The following HFM1 variants were observed in gnomAD, a reference collection of about 807,000 sequenced individuals.
The protein encoded by HFM1 is helicase for meiosis 1.
A neutral mutation model predicts 192.1 loss-of-function variants in HFM1; 169 were observed. That is an observed-to-expected ratio of 0.88 (90% CI 0.78 to 1.00). The LOEUF (loss-of-function observed/expected upper bound fraction) is 1.00, where lower values mean the gene tolerates loss of function less well. HFM1 is among the 50% of genes least tolerant of loss of function. The pLI is 0.00. For missense variants in HFM1, 1,661 were observed against 1,668.0 expected (o/e 1.00, Z 0.07); for synonymous variants, 525 against 537.8 (o/e 0.98, Z 0.33).
intron 2 of HFM1, among the ~76,000 whole-genome samples, chr1:91,400,205 C>T (rs538610491): frequency 2.0e-5 from 3 of 152,160 alleles, no homozygotes; most frequent in Non-Finnish European, 4.4e-5. Context: ...GAACAATGCA[C>T]ATGAAAATCC....
chr1:91,365,603 G>C (rs1659192610), intron 13 of HFM1, among the ~76,000 whole-genome samples: 1 of 152,048 alleles, frequency 6.6e-6, no homozygotes, highest in African/African-American at 2.4e-5. Flanking sequence ...GGTAGGCTTG[G>C]TTCTTAAGTA....
At chr1:91,380,873 G>T in intron 7 of HFM1, 39 bp downstream of exon 7, 2 of 966,716 alleles carry the variant, frequency 2.1e-6, no homozygotes, top group Non-Finnish European at 3.3e-6. Context: ...ATAACCTAGT[G>T]AAAGGTAGAA....
chr1:91,329,614 G>A (rs776726773), intron 20 of HFM1: 1 of 882,166 alleles, frequency 1.1e-6, no homozygotes, highest in Non-Finnish European at 1.7e-6. Flanking sequence ...GGGGTGGAGA[G>A]AGCATTCTAA....
Position 91,277,534 on chromosome 1 carries a change from T to TTA in HFM1, c.3392-474_3392-473dup, listed in dbSNP as rs201917596. On this transcript the variant is annotated intron_variant, in intron 30 of 38. Transcript: ENST00000370425. The stretch of plus-strand genomic sequence containing the variant: ...GTGTGTGTGTGTGTGTGTGTATACT[T>TTA]TATATATATATAATATATATACTTT... Among the ~76,000 whole-genome samples, 13 of 138,694 alleles carry TTA rather than the reference T, an allele frequency of 9.4e-5. No homozygotes were observed. The East Asian group carries it at 2.0e-3, about 21-fold the overall frequency. 91.0% of individuals were successfully genotyped at this position (138,694 alleles called of 152,430 possible). A position where few individuals can be genotyped will look rare whatever the true frequency, so the allele number is the denominator to read the frequency against.
At chr1:91,364,438 G>A (rs925658848) in intron 13 of HFM1, among the ~76,000 whole-genome samples, 1 of 150,440 alleles carries the variant, frequency 6.6e-6, no homozygotes, top group African/African-American at 2.4e-5. Flanking sequence ...CTCTTCTCTG[G>A]GTATATACCC....
chr1:91,370,638 T>G (rs1396003799), intron 13 of HFM1, among the ~76,000 whole-genome samples: 2 of 152,186 alleles, frequency 1.3e-5, no homozygotes, highest in Non-Finnish European at 2.9e-5. Context: ...AATATCATAC[T>G]GAATGGGCAA....
At chr1:91,386,516 T>C (rs1289618469) in intron 4 of HFM1, among the ~76,000 whole-genome samples, 1 of 152,226 alleles carries the variant, frequency 6.6e-6, no homozygotes, top group Non-Finnish European at 1.5e-5. Flanking sequence ...AAGTTGTTCC[T>C]AAATTCCTAG....
At chr1:91,300,215 C>T (rs1207942753) in intron 30 of HFM1, among the ~76,000 whole-genome samples, 1 of 152,046 alleles carries the variant, frequency 6.6e-6, no homozygotes, top group Non-Finnish European at 1.5e-5. Context: ...ACACATACAC[C>T]CTCCCAAGAC....
At chr1:91,340,125 C>T (rs1204866371) in intron 20 of HFM1, among the ~76,000 whole-genome samples, 1 of 152,120 alleles carries the variant, frequency 6.6e-6, no homozygotes, top group Admixed American at 6.6e-5. Flanking sequence ...GCCACCTCAG[C>T]ATCCTAAGTA....
At position 91,375,357 on chromosome 1, in the gene HFM1, C is replaced by T. The variant is rs1479832116; in HGVS notation, c.1685+1G>A. On this transcript the variant is annotated splice_donor_variant, in intron 13 of 38. Coordinates refer to ENST00000370425, the MANE Select transcript of HFM1 (RefSeq NM_001017975.6). LOFTEE classifies it high-confidence loss of function. ...TTCCATGAAAAAATAAAATACTATA[C>T]CTCTGTTTCTGTTCCACAGTCATAA... 10 of 1,604,432 alleles carry T rather than the reference C, an allele frequency of 6.2e-6. No homozygotes were observed. Among genetic ancestry groups the T allele is most frequent in the Non-Finnish European group, 8.5e-6 (10 of 1,172,596 alleles).
chr1:91,340,830 T>C (rs1655230630), intron 20 of HFM1, among the ~76,000 whole-genome samples: 1 of 152,010 alleles, frequency 6.6e-6, no homozygotes, highest in Non-Finnish European at 1.5e-5. Context: ...ACACCTTAAC[T>C]ATCAAAAAGG....
chr1:91,322,806 T>C, intron 23 of HFM1, 144 bp downstream of exon 23: 2 of 465,394 alleles, frequency 4.3e-6, no homozygotes, highest in South Asian at 9.7e-5. Flanking sequence ...ATCATCAATT[T>C]TAAAGTCTGA....
chr1:91,321,049 T>A (rs1290274412), intron 23 of HFM1, among the ~76,000 whole-genome samples: 1 of 152,162 alleles, frequency 6.6e-6, no homozygotes, highest in Non-Finnish European at 1.5e-5. Context: ...TCATACCCTG[T>A]CAGTTCACTG....
chr1:91,294,415 T>C (rs1042122037), intron 30 of HFM1, among the ~76,000 whole-genome samples: 2 of 152,230 alleles, frequency 1.3e-5, no homozygotes, highest in Non-Finnish European at 2.9e-5. Context: ...TGCTTAACTT[T>C]ATGTTAGTGA....
At chr1:91,308,723 T>C (rs1650003952) in intron 30 of HFM1, among the ~76,000 whole-genome samples, 2 of 152,124 alleles carry the variant, frequency 1.3e-5, no homozygotes, top group Non-Finnish European at 2.9e-5. Context: ...CACAGTTGAT[T>C]ATCAGTCATA....
chr1:91,389,641 C>T (rs1408108919), intron 4 of HFM1, among the ~76,000 whole-genome samples: 2 of 152,026 alleles, frequency 1.3e-5, no homozygotes, highest in Admixed American at 1.3e-4. Context: ...TTTCTGACTT[C>T]CAGCCTCCAG....
chr1:91,295,464 C>T (rs1234545309), intron 30 of HFM1, among the ~76,000 whole-genome samples: 2 of 152,158 alleles, frequency 1.3e-5, no homozygotes, highest in Non-Finnish European at 2.9e-5. Flanking sequence ...CCATGTGTGC[C>T]TGTATCCTAA....
At chr1:91,265,899 T>G in intron 36 of HFM1, 118 bp downstream of exon 36, 1 of 1,355,674 alleles carries the variant, frequency 7.4e-7, no homozygotes, top group Non-Finnish European at 9.9e-7. Context: ...TTAAGAGGGT[T>G]TAGGTTGGCT....
chr1:91,391,025 C>T (rs1057083713), intron 4 of HFM1, among the ~76,000 whole-genome samples: 24 of 152,222 alleles, frequency 1.6e-4, no homozygotes, highest in African/African-American at 4.1e-4. Context: ...AATAAAATAC[C>T]TAGGAATCCA....
Sources: gnomAD v4.1 joint callset for allele counts (sites outside exome capture counted in the v4.1 genomes callset) on GRCh38, gnomAD v4.1.1 for gene constraint, MANE v1.5 for transcripts, NCBI Gene and HGNC (gene_info 2026-07-23, HGNC 2026-07-21) for gene names.